PPFIA1: variants seen among roughly 807,000 people sequenced by gnomAD.
PPFIA1 encodes PPFI scaffold protein A1.
In PPFIA1, 25 loss-of-function variants were observed where a neutral mutation model predicts 149.9. The ratio of observed to expected loss-of-function variants is 0.17; its 90% CI spans 0.12 to 0.23. PPFIA1 has a LOEUF of 0.23. PPFIA1 is among the 10% of genes least tolerant of loss of function. PPFIA1 has a pLI of 1.00. For missense variants in PPFIA1, 1,362 were observed against 1,506.5 expected (o/e 0.90, Z 1.59); for synonymous variants, 549 against 552.8 (o/e 0.99, Z 0.10).
chr11:70,349,627 C>T (rs1262351373), intron 16 of PPFIA1, among the ~76,000 whole-genome samples: 3 of 152,074 alleles, frequency 2.0e-5, no homozygotes, highest in Non-Finnish European at 4.4e-5. Flanking sequence ...AGCCAGCATG[C>T]AATTAAATCG....
intron 21 of PPFIA1, among the ~76,000 whole-genome samples, chr11:70,367,951 A>G (rs150896873): frequency 6.6e-6 from 1 of 152,314 alleles, no homozygotes; most frequent in East Asian, 1.9e-4. Flanking sequence ...AGCCTGGGCA[A>G]CGTGGGGAAA....
chr11:70,293,378 A>T (rs1188265171), intron 2 of PPFIA1, among the ~76,000 whole-genome samples: 1 of 152,250 alleles, frequency 6.6e-6, no homozygotes, highest in African/African-American at 2.4e-5. Flanking sequence ...GTTTCCCATC[A>T]ATCAACTCTT....
intron 2 of PPFIA1, among the ~76,000 whole-genome samples, chr11:70,316,060 T>C (rs2053607219): frequency 6.6e-6 from 1 of 152,080 alleles, no homozygotes; most frequent in African/African-American, 2.4e-5. Context: ...CAGAATTTCC[T>C]TCCTTTTTTT....
chr11:70,344,193 C>T (rs1591288696), intron 15 of PPFIA1, among the ~76,000 whole-genome samples: 1 of 152,216 alleles, frequency 6.6e-6, no homozygotes, highest in East Asian at 1.9e-4. Flanking sequence ...GCTGAAGGGG[C>T]TCAGCCCAGC....
rs1301792707 is a variant in PPFIA1 at position 70,348,433 on chromosome 11, C to T, written c.2163+13C>T. The T allele has an allele frequency of 1.3e-6, 2 of 1,570,380 alleles. No homozygotes were observed. The highest frequency in any genetic ancestry group is 1.4e-5 in the African/African-American group (1 of 73,926). Reference sequence around the variant, plus strand: ...CGTCATGACCCTTGTACGTATCCGCCCTTTCCCTGCTGTGGCTGCCCTCAG... The same window carrying T: ...CGTCATGACCCTTGTACGTATCCGCTCTTTCCCTGCTGTGGCTGCCCTCAG... On this transcript the variant is annotated intron_variant, in intron 16 of 27. Coordinates refer to ENST00000253925, the MANE Select transcript of PPFIA1 (RefSeq NM_003626.5).
intron 9 of PPFIA1, 144 bp from the exon 10 acceptor site, chr11:70,333,326 T>C: frequency 1.4e-6 from 1 of 690,114 alleles, no homozygotes; most frequent in Non-Finnish European, 2.7e-6. Flanking sequence ...GTAGGCTGTG[T>C]TGATGGATGA....
chr11:70,302,141 G>T (rs1383087345), intron 2 of PPFIA1, among the ~76,000 whole-genome samples: 1 of 152,230 alleles, frequency 6.6e-6, no homozygotes, highest in Non-Finnish European at 1.5e-5. Flanking sequence ...GGCCAGAAGA[G>T]CCTTCCCAGA....
intron 19 of PPFIA1, among the ~76,000 whole-genome samples, chr11:70,361,170 G>C (rs1334675022): frequency 6.6e-6 from 1 of 152,132 alleles, no homozygotes; most frequent in African/African-American, 2.4e-5. Context: ...TGAAATGGAT[G>C]GTGTTGATAC....
intron 2 of PPFIA1, among the ~76,000 whole-genome samples, chr11:70,301,117 T>C (rs1340147476): frequency 2.6e-5 from 4 of 152,358 alleles, no homozygotes; most frequent in African/African-American, 9.6e-5. Context: ...AATTTTCTGA[T>C]CTTGGCCAAG....
At chr11:70,320,520 A>G (rs1046562092) in intron 2 of PPFIA1, among the ~76,000 whole-genome samples, 3 of 148,374 alleles carry the variant, frequency 2.0e-5, no homozygotes, top group African/African-American at 5.0e-5. Context: ...TGCTGGGCTC[A>G]AGCAGTCCTC....
At chr11:70,356,080 A>T in intron 18 of PPFIA1, 81 bp from the exon 19 acceptor site, 1 of 1,190,890 alleles carries the variant, frequency 8.4e-7, no homozygotes, top group South Asian at 1.3e-5. Context: ...CTGAACCTGC[A>T]AATATTCATC....
chr11:70,315,541 G>A (rs2053555706), intron 2 of PPFIA1, among the ~76,000 whole-genome samples: 1 of 152,034 alleles, frequency 6.6e-6, no homozygotes, highest in Non-Finnish European at 1.5e-5. Context: ...CCTAGACTGA[G>A]GCGAGTAGCT....
At chr11:70,354,738 T>C (rs2056262150) in intron 17 of PPFIA1, among the ~76,000 whole-genome samples, 1 of 151,982 alleles carries the variant, frequency 6.6e-6, no homozygotes, top group South Asian at 2.1e-4. Context: ...AGTCTATAAA[T>C]TGACTACTTT....
chr11:70,318,165 C>T (rs1334492626), intron 2 of PPFIA1, among the ~76,000 whole-genome samples: 1 of 152,188 alleles, frequency 6.6e-6, no homozygotes, highest in Non-Finnish European at 1.5e-5. Context: ...TAGTGCATCC[C>T]GCCCTCTTTC....
intron 2 of PPFIA1, among the ~76,000 whole-genome samples, chr11:70,276,479 T>C (rs546048694): frequency 6.6e-6 from 1 of 152,342 alleles, no homozygotes; most frequent in South Asian, 2.1e-4. Flanking sequence ...GATTGACTTA[T>C]AATTTCAGTT....
intron 2 of PPFIA1, among the ~76,000 whole-genome samples, chr11:70,281,393 G>A (rs1223001586): frequency 6.6e-6 from 1 of 152,136 alleles, no homozygotes; most frequent in African/African-American, 2.4e-5. Context: ...AACCATCCGG[G>A]GGTTCCATCT....
intron 26 of PPFIA1, 76 bp downstream of exon 26, chr11:70,378,271 C>A (rs2057567523): frequency 4.0e-6 from 6 of 1,515,852 alleles, no homozygotes; most frequent in Non-Finnish European, 5.3e-6. Context: ...TAATAATGAT[C>A]TAAAACGGCC....
intron 7 of PPFIA1, 163 bp from the exon 8 acceptor site, chr11:70,330,010 G>A: frequency 1.7e-6 from 1 of 579,036 alleles, no homozygotes. Context: ...GCCTCCCAAA[G>A]TGCTGTGATT....
Position 70,375,039 on chromosome 11 carries a change from C to T in PPFIA1, c.3261C>T (p.Thr1087=). The part of the protein sequence containing the change: ...VHGALLALDE[T]FDFSALALLL... Reference sequence around the variant, plus strand: ...GAGCACTTCTGGCCTTAGATGAAACCTTCGACTTCAGTGCACTGGCACTGC... The same window carrying T: ...GAGCACTTCTGGCCTTAGATGAAACTTTCGACTTCAGTGCACTGGCACTGC... Residue 1087 remains threonine, a synonymous_variant, in exon 24 of 28, where the codon ACC becomes ACT. Coordinates refer to ENST00000253925, the MANE Select transcript of PPFIA1 (RefSeq NM_003626.5). 1 of 1,613,704 alleles carries T rather than the reference C, an allele frequency of 6.2e-7. No individual in the cohort carries two copies. The highest frequency in any genetic ancestry group is 1.1e-5 in the South Asian group (1 of 91,002).
Sources: gnomAD v4.1 joint callset for allele counts (sites outside exome capture counted in the v4.1 genomes callset) on GRCh38, gnomAD v4.1.1 for gene constraint, MANE v1.5 for transcripts, NCBI Gene and HGNC (gene_info 2026-07-23, HGNC 2026-07-21) for gene names.